BCAT1: variants seen among roughly 807,000 people sequenced by gnomAD.
The protein encoded by BCAT1 is branched chain amino acid transaminase 1.
A neutral mutation model predicts 52.4 loss-of-function variants in BCAT1; 48 were observed. That is an observed-to-expected ratio of 0.92 (90% confidence interval 0.73 to 1.16). The LOEUF is 1.16. Among genes scored for constraint, BCAT1 ranks in the 50% most tolerant of loss-of-function variants. The probability of loss-of-function intolerance (pLI) is 0.00; values close to 1 mark genes in which losing one functional copy is unlikely to be tolerated. For missense variants in BCAT1, 451 were observed against 457.1 expected, an observed-to-expected ratio of 0.99 and a Z score of 0.12; for synonymous variants, 167 against 161.3, an observed-to-expected ratio of 1.04 and a Z score of -0.27.
intron 3 of BCAT1, among the ~76,000 whole-genome samples, chr12:24,890,020 T>C (rs4603392): frequency 0.86 from 131,348 of 152,102 alleles, 56,947 homozygotes; most frequent in East Asian, 1. Flanking sequence ...CCCTGCACTC[T>C]ATCCCCCGAT....
chr12:24,879,615 T>C (rs1194518875), intron 4 of BCAT1, among the ~76,000 whole-genome samples: 1 of 152,196 alleles, frequency 6.6e-6, no homozygotes, highest in African/African-American at 2.4e-5. Context: ...GCCAATCATA[T>C]AGGTGAACCC....
chr12:24,931,474 G>A (rs1943674585), intron 1 of BCAT1, among the ~76,000 whole-genome samples: 1 of 152,064 alleles, frequency 6.6e-6, no homozygotes, highest in Non-Finnish European at 1.5e-5. Flanking sequence ...GAATGACTAA[G>A]GACCCATGTT....
At chr12:24,894,712 T>C (rs1272725497) in intron 2 of BCAT1, among the ~76,000 whole-genome samples, 2 of 152,176 alleles carry the variant, frequency 1.3e-5, no homozygotes, top group African/African-American at 4.8e-5. Flanking sequence ...TTCAGTGATA[T>C]ATAGAAGAGG....
chr12:24,843,522 T>C (rs925484167), intron 6 of BCAT1, among the ~76,000 whole-genome samples: 9 of 152,040 alleles, frequency 5.9e-5, no homozygotes, highest in Admixed American at 3.9e-4. Context: ...AGAATCATCT[T>C]AACTCGGGAG....
chr12:24,902,954 G>A, intron 1 of BCAT1: 1 of 1,508,346 alleles, frequency 6.6e-7, no homozygotes, highest in Non-Finnish European at 8.8e-7. Flanking sequence ...TACCTGGCGG[G>A]CAAGGGCCGC....
At position 24,841,263 on chromosome 12, in the gene BCAT1, T is replaced by C. The variant is rs149510649; in HGVS notation, c.817+819A>G. Among the ~76,000 whole-genome samples the C allele has an allele frequency of 2.3e-3, 353 of 152,314 alleles. 9 individuals carry two copies. Among genetic ancestry groups the C allele is most frequent in the East Asian group, 3.9e-3 (20 of 5,190 alleles). ...GAGTTCTAGAGTAAATTTGGAGAGA[T>C]TGTGATACATTTTCAAAATATGTAG... On this transcript the variant is annotated intron_variant, in intron 7 of 10. Coordinates refer to ENST00000261192, the MANE Select transcript of BCAT1 (RefSeq NM_005504.7).
chr12:24,872,377 G>A (rs1235439116), intron 5 of BCAT1, among the ~76,000 whole-genome samples: 2 of 152,206 alleles, frequency 1.3e-5, no homozygotes, highest in African/African-American at 2.4e-5. Context: ...AATGGCAGCA[G>A]GGTTTTAAAA....
At chr12:24,859,880 C>T (rs971832848) in intron 5 of BCAT1, among the ~76,000 whole-genome samples, 5 of 152,084 alleles carry the variant, frequency 3.3e-5, no homozygotes, top group African/African-American at 1.2e-4. Flanking sequence ...ATACAGGAAG[C>T]ACTGTCAAAT....
At chr12:24,857,177 C>T (rs757443596) in intron 5 of BCAT1, among the ~76,000 whole-genome samples, 1 of 152,134 alleles carries the variant, frequency 6.6e-6, no homozygotes, top group Non-Finnish European at 1.5e-5. Context: ...ATCTATGTGA[C>T]CTTTGCCATT....
At chr12:24,897,806 G>C (rs771015631) in intron 2 of BCAT1, among the ~76,000 whole-genome samples, 3 of 152,052 alleles carry the variant, frequency 2.0e-5, no homozygotes, top group Non-Finnish European at 4.4e-5. Context: ...CACCCACCTC[G>C]GCCTCTGAAA....
intron 1 of BCAT1, among the ~76,000 whole-genome samples, chr12:24,937,455 A>G (rs1213777033): frequency 1.3e-5 from 2 of 152,210 alleles, no homozygotes; most frequent in African/African-American, 4.8e-5. Context: ...AAAACATAAC[A>G]GGAAGAGGTT....
At chr12:24,890,449 G>C (rs924041542) in intron 3 of BCAT1, among the ~76,000 whole-genome samples, 1 of 152,140 alleles carries the variant, frequency 6.6e-6, no homozygotes, top group African/African-American at 2.4e-5. Flanking sequence ...AGGTTACAAA[G>C]ACCCCACTGA....
chr12:24,948,722 G>GT (rs1943974448), intron 1 of BCAT1, among the ~76,000 whole-genome samples: 1 of 152,218 alleles, frequency 6.6e-6, no homozygotes, highest in Non-Finnish European at 1.5e-5. Flanking sequence ...CGTCCTGCGA[G>GT]TGGAGGTTAA....
At chr12:24,838,769 C>T (rs944655574) in intron 7 of BCAT1, among the ~76,000 whole-genome samples, 3 of 152,184 alleles carry the variant, frequency 2.0e-5, no homozygotes, top group Non-Finnish European at 4.4e-5. Flanking sequence ...TCTGCAACCA[C>T]AAACATACTT....
chr12:24,887,794 G>A (rs998470455), intron 3 of BCAT1, among the ~76,000 whole-genome samples: 3 of 152,002 alleles, frequency 2.0e-5, no homozygotes, highest in Non-Finnish European at 2.9e-5. Flanking sequence ...CCTTCAATCC[G>A]CGTTCCCTAC....
At chr12:24,874,824 G>C (rs573802087) in intron 5 of BCAT1, among the ~76,000 whole-genome samples, 1 of 152,300 alleles carries the variant, frequency 6.6e-6, no homozygotes, top group Admixed American at 6.5e-5. Flanking sequence ...TACCATACCA[G>C]GGAATAGAGA....
rs573438443 is a variant in BCAT1, at chr12:24,837,985, C to T, written c.818-1389G>A. 2.0e-5 allele frequency among the ~76,000 whole-genome samples: 3 copies of T among 152,336 alleles called. No individual in the cohort carries two copies. In the South Asian group the frequency reaches 6.2e-4, roughly 32 times the overall value. ...TTCACAGGCATCATGCATGATCCAT[C>T]AGCTGCACAAGCTCTCCTTACAGTA... On this transcript the variant is annotated intron_variant, in intron 7 of 10. Coordinates refer to ENST00000261192, the MANE Select transcript of BCAT1 (RefSeq NM_005504.7).
At chr12:24,929,663 G>A (rs1252642842) in intron 1 of BCAT1, among the ~76,000 whole-genome samples, 3 of 152,140 alleles carry the variant, frequency 2.0e-5, no homozygotes, top group African/African-American at 7.2e-5. Context: ...TATCACCTGA[G>A]AGACTTTTTA....
At chr12:24,939,752 G>A (rs1262294620) in intron 1 of BCAT1, among the ~76,000 whole-genome samples, 1 of 152,194 alleles carries the variant, frequency 6.6e-6, no homozygotes, top group African/African-American at 2.4e-5. Flanking sequence ...AGAATCGCTT[G>A]AACCTGGGAG....
Sources: gnomAD v4.1 joint callset for allele counts (sites outside exome capture counted in the v4.1 genomes callset) on GRCh38, gnomAD v4.1.1 for gene constraint, MANE v1.5 for transcripts, NCBI Gene and HGNC (gene_info 2026-07-23, HGNC 2026-07-21) for gene names.